The following MYBL2 variants were observed in gnomAD, a reference collection of about 807,000 sequenced individuals.
MYBL2 encodes the protein myb-related protein B.
MYBL2 carries 28 observed loss-of-function variants against 79.9 expected under a neutral mutation model. The observed-to-expected ratio is 0.35, with a 90% CI of 0.26 to 0.48. The LOEUF is 0.48. Among genes scored for constraint, MYBL2 ranks in the 20% least tolerant of loss-of-function variants. The pLI is 0.99. For synonymous variants in MYBL2, 378 were observed against 361.2 expected, an observed-to-expected ratio of 1.05 and a Z score of -0.53; for missense variants, 735 against 893.9, an observed-to-expected ratio of 0.82 and a Z score of 2.27.
At chr20:43,679,992 A>G (rs1368796280) in intron 2 of MYBL2, among the ~76,000 whole-genome samples, 1 of 150,398 alleles carries the variant, frequency 6.6e-6, no homozygotes, top group Admixed American at 6.7e-5. Flanking sequence ...CTTGGCAGCT[A>G]TCTTTCTACT....
intron 6 of MYBL2, among the ~76,000 whole-genome samples, chr20:43,693,581 C>G (rs1210392955): frequency 6.6e-6 from 1 of 152,074 alleles, no homozygotes; most frequent in Non-Finnish European, 1.5e-5. Flanking sequence ...AAATGATCCA[C>G]CCACCTGAGC....
chr20:43,686,226 C>T (rs1003409851), intron 4 of MYBL2, among the ~76,000 whole-genome samples: 3 of 152,154 alleles, frequency 2.0e-5, no homozygotes, highest in South Asian at 2.1e-4. Context: ...CATGAGAACG[C>T]GTGTGTCTGT....
chr20:43,694,780 A>G (rs1987493758), intron 6 of MYBL2, among the ~76,000 whole-genome samples: 1 of 152,234 alleles, frequency 6.6e-6, no homozygotes, highest in Non-Finnish European at 1.5e-5. Flanking sequence ...ACATCTAAGT[A>G]GTATGTGTTT....
Position 43,703,214 on chromosome 20 carries a change from A to G in MYBL2, c.1365+311A>G, listed in dbSNP as rs563690511. ...CGTGTTTGTTCAGTCCACGTATGGA[A>G]CCTATTTCACAGCAGACTTACCAGC... On this transcript the variant is annotated intron_variant, in intron 8 of 13. Transcript: ENST00000217026. Among the ~76,000 whole-genome samples the G allele has an allele frequency of 2.2e-4, 34 of 152,104 alleles. 1 individual carries two copies. Among genetic ancestry groups the G allele is most frequent in the Admixed American group, 8.5e-4 (13 of 15,268 alleles).
chr20:43,678,584 C>T lies in MYBL2; in HGVS notation c.115-3200C>T, dbSNP rs540436768. Among the ~76,000 whole-genome samples the T allele has an allele frequency of 1.1e-4, 17 of 152,040 alleles. No homozygotes were observed. In the South Asian group the frequency reaches 2.1e-3, roughly 19 times the overall value. ...GATAAGAGAGATGGGTGGCCTGGCG[C>T]GGTGGCTCACGCCTGTAATCCCAGC... is the stretch of plus-strand genomic sequence containing the variant. On this transcript the variant is annotated intron_variant, in intron 2 of 13. Transcript: ENST00000217026.
At chr20:43,710,542 T>C (rs1987882035) in intron 10 of MYBL2, among the ~76,000 whole-genome samples, 1 of 152,218 alleles carries the variant, frequency 6.6e-6, no homozygotes. Flanking sequence ...GGGATGGTTG[T>C]GTTTTCTCTA....
chr20:43,685,809 G>A (rs927811327), intron 4 of MYBL2, among the ~76,000 whole-genome samples: 1 of 151,708 alleles, frequency 6.6e-6, no homozygotes, highest in Non-Finnish European at 1.5e-5. Context: ...AGGCCAAGTC[G>A]GGCGGATCAC....
chr20:43,679,594 C>A lies in MYBL2; in HGVS notation c.115-2190C>A, dbSNP rs546872092. On this transcript the variant is annotated intron_variant, in intron 2 of 13. Transcript: ENST00000217026. The stretch of plus-strand genomic sequence containing the variant: ...GACCAGCTTGGAAAACATAGCAAGA[C>A]CCTATCATTAAAAACAAAACAAAAA... 2.0e-5 allele frequency among the ~76,000 whole-genome samples: 3 copies of A among 151,912 alleles called. No homozygotes were observed. The East Asian group carries it at 5.8e-4, about 29-fold the overall frequency.
intron 13 of MYBL2, 60 bp downstream of exon 13, chr20:43,715,343 A>G (rs1988008233): frequency 1.2e-6 from 2 of 1,602,994 alleles, no homozygotes; most frequent in Admixed American, 1.7e-5. Context: ...CTCAGGGCTG[A>G]GTGCTGGCCA....
intron 1 of MYBL2, among the ~76,000 whole-genome samples, chr20:43,668,062 C>T (rs1027816085): frequency 3.9e-5 from 6 of 152,060 alleles, no homozygotes; most frequent in African/African-American, 1.4e-4. Context: ...TCTGTGGCTC[C>T]AGATCCCTGT....
chr20:43,694,099 G>A (rs1410305320), intron 6 of MYBL2, among the ~76,000 whole-genome samples: 4 of 152,098 alleles, frequency 2.6e-5, no homozygotes, highest in South Asian at 4.2e-4. Context: ...TTGGGAGGCC[G>A]AGGCGGGTGG....
chr20:43,704,465 G>A (rs1987736887), intron 8 of MYBL2, among the ~76,000 whole-genome samples: 1 of 152,214 alleles, frequency 6.6e-6, no homozygotes, highest in Non-Finnish European at 1.5e-5. Flanking sequence ...GGAGAAGGAA[G>A]GCAGCGGGTC....
chr20:43,674,223 C>CAA (rs1986942825), intron 2 of MYBL2, among the ~76,000 whole-genome samples: 1 of 50,198 alleles, frequency 2.0e-5, no homozygotes, highest in Non-Finnish European at 5.7e-5. Context: ...AAATCTGTAA[C>CAA]TCCCCCCACC....
intron 5 of MYBL2, among the ~76,000 whole-genome samples, chr20:43,689,871 C>G (rs138261965): frequency 1.3e-5 from 2 of 152,294 alleles, no homozygotes; most frequent in Admixed American, 1.3e-4. Flanking sequence ...ACCCCAGACT[C>G]TGGTCTTGGG....
At chr20:43,683,109 T>A (rs545405530) in intron 4 of MYBL2, among the ~76,000 whole-genome samples, 1 of 152,186 alleles carries the variant, frequency 6.6e-6, no homozygotes, top group South Asian at 2.1e-4. Flanking sequence ...TGAGGGCTAT[T>A]GGGCTGATTA....
chr20:43,704,475 C>A (rs1318665254), intron 8 of MYBL2, among the ~76,000 whole-genome samples: 1 of 152,180 alleles, frequency 6.6e-6, no homozygotes, highest in African/African-American at 2.4e-5. Context: ...GGCAGCGGGT[C>A]CCTCAGCTAC....
intron 4 of MYBL2, among the ~76,000 whole-genome samples, chr20:43,683,639 C>T (rs1186856121): frequency 3.3e-5 from 5 of 150,960 alleles, no homozygotes; most frequent in African/African-American, 1.2e-4. Context: ...CTGCATCCTC[C>T]GCCTCCCGGG....
chr20:43,685,736 C>CA (rs1987257469), intron 4 of MYBL2, among the ~76,000 whole-genome samples: 1 of 151,902 alleles, frequency 6.6e-6, no homozygotes, highest in African/African-American at 2.4e-5. Context: ...GCCTGGGCGA[C>CA]AGAGTGAGAC....
At chr20:43,675,911 G>GTTT (rs3092199) in intron 2 of MYBL2, among the ~76,000 whole-genome samples, 107,513 of 144,604 alleles carry the variant, frequency 0.74, 40,529 homozygotes, top group Non-Finnish European at 0.81. Flanking sequence ...CCAATAGGTA[G>GTTT]TTTTTTTTTT....
Sources: gnomAD v4.1 joint callset for allele counts (sites outside exome capture counted in the v4.1 genomes callset) on GRCh38, gnomAD v4.1.1 for gene constraint, MANE v1.5 for transcripts, NCBI Gene and HGNC (gene_info 2026-07-23, HGNC 2026-07-21) for gene names.